The following XIRP2 variants were observed in gnomAD, a reference collection of about 807,000 sequenced individuals.
The protein encoded by XIRP2 is xin actin-binding repeat-containing protein 2.
In XIRP2, 236 loss-of-function variants were observed where a neutral mutation model predicts 277.0. The observed-to-expected ratio is 0.85, with a 90% CI of 0.77 to 0.95. The LOEUF is 0.95. Ranked by LOEUF, XIRP2 falls within the 40% of genes least tolerant of loss-of-function variation. The pLI is 0.00. For synonymous variants in XIRP2, 1,490 were observed against 1,416.5 expected (o/e 1.05, Z -1.17); for missense variants, 4,640 against 4,157.5 (o/e 1.12, Z -3.19).
intron 2 of XIRP2, among the ~76,000 whole-genome samples, chr2:166,962,712 G>A (rs921105192): frequency 2.6e-5 from 4 of 151,686 alleles, no homozygotes; most frequent in Admixed American, 6.6e-5. Flanking sequence ...TGGCAGGAGG[G>A]TAATTCTGAT....
intron 2 of XIRP2, among the ~76,000 whole-genome samples, chr2:166,997,545 T>C (rs1225762262): frequency 1.3e-5 from 2 of 152,186 alleles, no homozygotes; most frequent in Non-Finnish European, 2.9e-5. Context: ...AATGACCTTA[T>C]TTAAGGTGAA....
intron 2 of XIRP2, among the ~76,000 whole-genome samples, chr2:166,937,607 C>T (rs1379650347): frequency 2.6e-5 from 4 of 152,116 alleles, no homozygotes; most frequent in Non-Finnish European, 5.9e-5. Flanking sequence ...ATGCTGGCCT[C>T]ATAAAATGAG....
intron 2 of XIRP2, among the ~76,000 whole-genome samples, chr2:167,096,158 G>T (rs10193637): frequency 2.6e-5 from 4 of 151,834 alleles, no homozygotes; most frequent in African/African-American, 9.7e-5. Flanking sequence ...GTATAATTTC[G>T]CTGTGAATCT....
chr2:167,115,979 C>T (rs947328188), intron 2 of XIRP2, among the ~76,000 whole-genome samples: 4 of 152,034 alleles, frequency 2.6e-5, no homozygotes, highest in Non-Finnish European at 5.9e-5. Flanking sequence ...AGATTGATTC[C>T]ACTTTGGTCA....
chr2:167,162,511 T>G (rs192761941), intron 3 of XIRP2, among the ~76,000 whole-genome samples: 117 of 152,134 alleles, frequency 7.7e-4, no homozygotes, highest in African/African-American at 2.4e-3. Flanking sequence ...AACCATCAGA[T>G]CTCGTGAGAC....
chr2:166,893,355 AAAAAATTAT>A (rs1433074391), intron 1 of XIRP2, among the ~76,000 whole-genome samples: 2 of 152,136 alleles, frequency 1.3e-5, no homozygotes, highest in East Asian at 3.9e-4. Flanking sequence ...CAATACACCA[AAAAAATTAT>A]TTGCATTTTT....
intron 3 of XIRP2, among the ~76,000 whole-genome samples, chr2:167,178,119 T>C (rs1290259217): frequency 6.6e-6 from 1 of 152,062 alleles, no homozygotes; most frequent in Non-Finnish European, 1.5e-5. Context: ...TTCATATATA[T>C]ACATGTTATT....
rs1378404400 is a variant in XIRP2 at position 167,147,197 on chromosome 2, G to T, written c.562+11135G>T. On this transcript the variant is annotated intron_variant, in intron 3 of 10. Transcript: ENST00000409195. ...AAATATTGGCCAGTGAAATTGCTGA[G>T]TATATGGGTAAATCTGAACAAACCA... Among the ~76,000 whole-genome samples, 5 of 152,260 alleles carry T rather than the reference G, an allele frequency of 3.3e-5. No homozygotes were observed. The East Asian group carries it at 9.7e-4, about 29-fold the overall frequency.
intron 3 of XIRP2, among the ~76,000 whole-genome samples, chr2:167,136,524 T>C (rs1691557238): frequency 6.6e-6 from 1 of 152,220 alleles, no homozygotes; most frequent in South Asian, 2.1e-4. Flanking sequence ...GAATTTGGAA[T>C]ACAAAGTGAC....
At chr2:167,149,686 A>G (rs1691959455) in intron 3 of XIRP2, among the ~76,000 whole-genome samples, 1 of 151,870 alleles carries the variant, frequency 6.6e-6, no homozygotes, top group South Asian at 2.1e-4. Context: ...TGGAAAAAAT[A>G]TAGGAAATAT....
Position 167,246,780 on chromosome 2 carries a change from GTC to G in XIRP2, c.5392_5393del (p.Leu1798GlyfsTer2). On this transcript the variant is annotated frameshift_variant, in exon 9 of 11. Transcript: ENST00000409195. LOFTEE classifies it high-confidence loss of function. Reference sequence around the variant, plus strand: ...CAAAACTGTTACTGAAGAAAAGGCAGTCTCTGGTTGAACGTACTGTTAGTGAA... The same window carrying G: ...CAAAACTGTTACTGAAGAAAAGGCAGTCTGGTTGAACGTACTGTTAGTGAA... ...GTKLLLKKRQ[S>X]LVERTVSETD... 1 of 1,613,860 alleles carries G rather than the reference GTC, an allele frequency of 6.2e-7. No individual in the cohort carries two copies. The highest frequency in any genetic ancestry group is 8.5e-7 in the Non-Finnish European group (1 of 1,179,826).
At chr2:166,903,243 T>C (rs1684426850) in intron 1 of XIRP2, among the ~76,000 whole-genome samples, 1 of 152,166 alleles carries the variant, frequency 6.6e-6, no homozygotes, top group South Asian at 2.1e-4. Flanking sequence ...CTGCCATGGC[T>C]ATACAAACCA....
At chr2:167,002,687 T>C (rs1338856851) in intron 2 of XIRP2, among the ~76,000 whole-genome samples, 1 of 151,984 alleles carries the variant, frequency 6.6e-6, no homozygotes, top group East Asian at 1.9e-4. Context: ...TCTCACCTTA[T>C]AGAAGTTAAA....
intron 2 of XIRP2, among the ~76,000 whole-genome samples, chr2:167,050,635 G>A (rs1688891186): frequency 6.6e-6 from 1 of 151,894 alleles, no homozygotes; most frequent in Non-Finnish European, 1.5e-5. Flanking sequence ...CCAGAGTGAG[G>A]GAAATAAAAG....
chr2:166,985,602 T>C (rs1046859611), intron 2 of XIRP2, among the ~76,000 whole-genome samples: 46 of 152,128 alleles, frequency 3.0e-4, no homozygotes, highest in African/African-American at 1.1e-3. Flanking sequence ...AGCTAATTTT[T>C]GGTATTTTTA....
chr2:167,070,325 T>A (rs560472282), intron 2 of XIRP2, among the ~76,000 whole-genome samples: 59 of 152,218 alleles, frequency 3.9e-4, no homozygotes, highest in Non-Finnish European at 7.1e-4. Context: ...TTGGCAATCT[T>A]TGTCCTCTCT....
At chr2:167,155,625 C>T (rs941449054) in intron 3 of XIRP2, among the ~76,000 whole-genome samples, 11 of 152,026 alleles carry the variant, frequency 7.2e-5, no homozygotes, top group Admixed American at 6.6e-4. Flanking sequence ...CTATGACAAA[C>T]CCACAGCCAA....
At chr2:167,230,212 G>T (rs1052413643) in intron 5 of XIRP2, among the ~76,000 whole-genome samples, 4 of 152,086 alleles carry the variant, frequency 2.6e-5, no homozygotes, top group East Asian at 3.9e-4. Flanking sequence ...GCAATTCAAC[G>T]TATAGCAGTG....
chr2:167,063,134 A>T (rs1689213729), intron 2 of XIRP2, among the ~76,000 whole-genome samples: 1 of 151,824 alleles, frequency 6.6e-6, no homozygotes, highest in African/African-American at 2.4e-5. Context: ...TATTATTTTT[A>T]TTTTTGGTCT....
Sources: allele counts gnomAD v4.1 joint callset (sites outside exome capture counted in the v4.1 genomes callset), GRCh38; gene constraint gnomAD v4.1.1; transcripts MANE v1.5; gene names NCBI Gene and HGNC (gene_info 2026-07-23, HGNC 2026-07-21).